The following CCDC85A variants were observed in gnomAD, a reference collection of about 807,000 sequenced individuals.
CCDC85A encodes coiled-coil domain-containing protein 85A.
In CCDC85A, 38 loss-of-function variants were observed where a neutral mutation model predicts 50.2. The observed-to-expected ratio is 0.76, with a 90% CI of 0.58 to 0.99. CCDC85A has a LOEUF of 0.99. CCDC85A is among the 50% of genes least tolerant of loss of function. The probability of loss-of-function intolerance (pLI) is 0.00; values close to 1 mark genes in which losing one functional copy is unlikely to be tolerated. For missense variants in CCDC85A, 820 were observed against 742.0 expected (o/e 1.11, Z -1.22); for synonymous variants, 366 against 301.4 (o/e 1.21, Z -2.22).
chr2:56,375,915 C>A lies in CCDC85A; in HGVS notation c.1552C>A (p.Pro518Thr). ...GHATPSQQPE[P>T]VVHSLKVVWR... ...TGCCACACCTTCCCAGCAGCCTGAA[C>A]CTGTGGTACATTCTCTTAAGGTAAC... Residue 518 changes from proline (P) to threonine (T), a missense_variant, in exon 5 of 6, where the codon CCT (proline) becomes ACT (threonine). Physicochemically the swap from Pro to Thr is conservative, Grantham distance 38 (BLOSUM62 -1). Transcript: ENST00000407595. 3 of 1,613,712 alleles carry A rather than the reference C, an allele frequency of 1.9e-6. No homozygotes were observed. The highest frequency in any genetic ancestry group is 2.5e-6 in the Non-Finnish European group (3 of 1,179,754).
chr2:56,280,975 AT>A (rs1453357205), intron 2 of CCDC85A, among the ~76,000 whole-genome samples: 1 of 152,192 alleles, frequency 6.6e-6, no homozygotes, highest in South Asian at 2.1e-4. Context: ...AGTGAAATAC[AT>A]ATATTGTGAG....
intron 2 of CCDC85A, among the ~76,000 whole-genome samples, chr2:56,327,270 A>C (rs1256061557): frequency 6.6e-6 from 1 of 152,190 alleles, no homozygotes; most frequent in Admixed American, 6.6e-5. Flanking sequence ...AAGAGTCTGA[A>C]AGATCATCTA....
At chr2:56,203,302 T>C (rs958544270) in intron 2 of CCDC85A, among the ~76,000 whole-genome samples, 2 of 152,154 alleles carry the variant, frequency 1.3e-5, no homozygotes, top group African/African-American at 4.8e-5. Flanking sequence ...ATAGTGACTT[T>C]CATGAGAAAC....
At chr2:56,362,243 C>T (rs1282544343) in intron 3 of CCDC85A, among the ~76,000 whole-genome samples, 2 of 152,008 alleles carry the variant, frequency 1.3e-5, no homozygotes, top group Non-Finnish European at 2.9e-5. Context: ...GTGCTGTTTA[C>T]TGAGATAGGC....
At chr2:56,193,711 G>C (rs926906493) in intron 2 of CCDC85A, among the ~76,000 whole-genome samples, 3 of 152,128 alleles carry the variant, frequency 2.0e-5, no homozygotes, top group African/African-American at 4.8e-5. Context: ...ACCTTGAGTT[G>C]TCAAAGGGAA....
intron 1 of CCDC85A, among the ~76,000 whole-genome samples, chr2:56,186,860 T>G (rs1676069915): frequency 6.6e-6 from 1 of 152,092 alleles, no homozygotes; most frequent in Admixed American, 6.5e-5. Flanking sequence ...AGTAAGAAAG[T>G]CTCCTTGTGA....
At chr2:56,363,917 A>G (rs1675661430) in intron 3 of CCDC85A, among the ~76,000 whole-genome samples, 1 of 152,224 alleles carries the variant, frequency 6.6e-6, no homozygotes, top group Admixed American at 6.5e-5. Context: ...AATAAGCCCA[A>G]AACCTGAAAG....
chr2:56,357,833 G>C (rs933988797), intron 3 of CCDC85A, among the ~76,000 whole-genome samples: 5 of 152,058 alleles, frequency 3.3e-5, no homozygotes, highest in Non-Finnish European at 2.9e-5. Flanking sequence ...ATACAATATG[G>C]AGACCCAGTG....
chr2:56,365,798 T>A (rs1318989279), intron 3 of CCDC85A, among the ~76,000 whole-genome samples: 1 of 152,146 alleles, frequency 6.6e-6, no homozygotes, highest in Non-Finnish European at 1.5e-5. Context: ...TTAGTATTTT[T>A]CAAGAATGCA....
intron 2 of CCDC85A, among the ~76,000 whole-genome samples, chr2:56,248,936 A>G (rs1383639999): frequency 6.6e-6 from 1 of 152,234 alleles, no homozygotes; most frequent in East Asian, 1.9e-4. Context: ...TGTCCTAAAG[A>G]GCATATCAGG....
intron 2 of CCDC85A, among the ~76,000 whole-genome samples, chr2:56,307,122 A>G (rs892030439): frequency 1.3e-5 from 2 of 152,180 alleles, no homozygotes; most frequent in Non-Finnish European, 2.9e-5. Context: ...TTTAGTTCCT[A>G]TGCTTTGAAT....
chr2:56,228,403 C>T (rs1011256314), intron 2 of CCDC85A, among the ~76,000 whole-genome samples: 2 of 152,008 alleles, frequency 1.3e-5, no homozygotes, highest in African/African-American at 4.8e-5. Flanking sequence ...TTAAATGAGA[C>T]AATACTAGTT....
At position 56,184,416 on chromosome 2, in the gene CCDC85A, C is replaced by G; in HGVS notation, c.-209C>G. ...GCAGCAAGCGGCTGGCTGCCGGGCC[C>G]TGGGGGAGCGCGGGCGCGCGCGCGG... On this transcript the variant is annotated 5_prime_UTR_variant, in exon 1 of 6. Transcript: ENST00000407595. 1 of 550,492 alleles carries G rather than the reference C, an allele frequency of 1.8e-6. No homozygotes were observed. Among genetic ancestry groups the G allele is most frequent in the Non-Finnish European group, 2.6e-6 (1 of 380,640 alleles). The allele number at this position is 550,492 out of a possible 1,614,324, so 34.1% of individuals were successfully genotyped here.
At chr2:56,245,253 G>C (rs1454688917) in intron 2 of CCDC85A, among the ~76,000 whole-genome samples, 1 of 152,202 alleles carries the variant, frequency 6.6e-6, no homozygotes, top group Non-Finnish European at 1.5e-5. Flanking sequence ...CCACCAGCTG[G>C]GATGGGTGAT....
At chr2:56,197,569 G>C (rs1003088392) in intron 2 of CCDC85A, among the ~76,000 whole-genome samples, 9 of 152,314 alleles carry the variant, frequency 5.9e-5, no homozygotes, top group African/African-American at 2.2e-4. Context: ...GAGCTCTCAG[G>C]TGATTCTAAT....
intron 2 of CCDC85A, among the ~76,000 whole-genome samples, chr2:56,307,033 TAGAG>T (rs1024463782): frequency 9.9e-5 from 15 of 152,176 alleles, no homozygotes; most frequent in Non-Finnish European, 1.2e-4. Context: ...TAATTTTAGA[TAGAG>T]AGAGGATTAA....
intron 2 of CCDC85A, among the ~76,000 whole-genome samples, chr2:56,250,025 TGAAGG>T (rs1669686125): frequency 6.6e-6 from 1 of 152,214 alleles, no homozygotes; most frequent in Non-Finnish European, 1.5e-5. Flanking sequence ...CCAGCAGCCA[TGAAGG>T]GCAGGCAGGG....
At chr2:56,190,690 C>T (rs1676256547) in intron 1 of CCDC85A, among the ~76,000 whole-genome samples, 1 of 152,240 alleles carries the variant, frequency 6.6e-6, no homozygotes, top group South Asian at 2.1e-4. Context: ...AACACAGCCT[C>T]AGTGTGTGAT....
intron 3 of CCDC85A, among the ~76,000 whole-genome samples, chr2:56,363,942 C>G (rs1157325653): frequency 1.3e-5 from 2 of 152,168 alleles, no homozygotes; most frequent in Non-Finnish European, 2.9e-5. Flanking sequence ...CAGATATGTT[C>G]TCAGCAACAA....
Sources: gnomAD v4.1 joint callset for allele counts (sites outside exome capture counted in the v4.1 genomes callset) on GRCh38, gnomAD v4.1.1 for gene constraint, MANE v1.5 for transcripts, NCBI Gene and HGNC (gene_info 2026-07-23, HGNC 2026-07-21) for gene names.